The following TNIK variants were observed in gnomAD, a reference collection of about 807,000 sequenced individuals.
The protein encoded by TNIK is TRAF2 and NCK-interacting protein kinase.
A neutral mutation model predicts 191.3 loss-of-function variants in TNIK; 49 were observed. That is an observed-to-expected ratio of 0.26 (90% CI 0.20 to 0.32). The LOEUF (loss-of-function observed/expected upper bound fraction) is 0.32. Ranked by LOEUF, TNIK falls within the 10% of genes least tolerant of loss-of-function variation. TNIK has a pLI of 1.00. For missense variants in TNIK, 1,155 were observed against 1,702.3 expected, an observed-to-expected ratio of 0.68 and a Z score of 5.66; for synonymous variants, 594 against 600.9, an observed-to-expected ratio of 0.99 and a Z score of 0.17.
In TNIK at chr3:171,279,020, ATTC is replaced by A. The variant is rs576631583; in HGVS notation, c.124-50802_124-50800del. Among the ~76,000 whole-genome samples the A allele has an allele frequency of 3.2e-4, 48 of 152,282 alleles. No individual in the cohort carries two copies. In the South Asian group the frequency reaches 6.6e-3, roughly 21 times the overall value. The stretch of plus-strand genomic sequence containing the variant: ...CAGGCTGATGAGGAAGCATTACACA[ATTC>A]TTCTTTTTAGGGGAGAACAAGTCTT... On this transcript the variant is annotated intron_variant, in intron 2 of 32. Coordinates refer to ENST00000436636, the MANE Select transcript of TNIK (RefSeq NM_015028.4).
chr3:171,233,446 G>GTCTA (rs200789177), intron 2 of TNIK, among the ~76,000 whole-genome samples: 47 of 152,160 alleles, frequency 3.1e-4, no homozygotes, highest in East Asian at 1.2e-3. Flanking sequence ...CTGTCTGTCT[G>GTCTA]TCTATCTATC....
chr3:171,323,720 A>G (rs1755431866), intron 2 of TNIK, among the ~76,000 whole-genome samples: 1 of 152,206 alleles, frequency 6.6e-6, no homozygotes, highest in African/African-American at 2.4e-5. Context: ...TTAAAAATAA[A>G]CAGTGTGAAG....
intron 7 of TNIK, among the ~76,000 whole-genome samples, chr3:171,177,965 T>C (rs1332712946): frequency 6.6e-6 from 1 of 152,386 alleles, no homozygotes; most frequent in East Asian, 1.9e-4. Flanking sequence ...TCATATGTGG[T>C]CTTATGTATT....
chr3:171,372,006 C>G (rs1437917248), intron 1 of TNIK, among the ~76,000 whole-genome samples: 1 of 151,992 alleles, frequency 6.6e-6, no homozygotes, highest in East Asian at 1.9e-4. Flanking sequence ...ACCTGGGAAT[C>G]AAACAGGGAT....
intron 1 of TNIK, among the ~76,000 whole-genome samples, chr3:171,459,656 G>C (rs544737219): frequency 3.5e-4 from 52 of 148,010 alleles, no homozygotes; most frequent in African/African-American, 1.3e-3. Context: ...CTTGGCACCA[G>C]ACAACTGCCC....
At chr3:171,328,723 G>C (rs1160801826) in intron 2 of TNIK, among the ~76,000 whole-genome samples, 2 of 152,196 alleles carry the variant, frequency 1.3e-5, no homozygotes, top group African/African-American at 4.8e-5. Context: ...TTGTGAGGAA[G>C]ATATTTAAAT....
At chr3:171,356,911 C>T (rs964953954) in intron 2 of TNIK, among the ~76,000 whole-genome samples, 3 of 152,110 alleles carry the variant, frequency 2.0e-5, no homozygotes, top group East Asian at 1.9e-4. Context: ...GTGATGTCAA[C>T]GTTTAACTCT....
At chr3:171,284,701 T>C (rs1300964086) in intron 2 of TNIK, among the ~76,000 whole-genome samples, 1 of 152,226 alleles carries the variant, frequency 6.6e-6, no homozygotes, top group Non-Finnish European at 1.5e-5. Flanking sequence ...TCCCTCAAAA[T>C]TGCACATTAT....
At chr3:171,293,883 C>T (rs2108246096) in intron 2 of TNIK, among the ~76,000 whole-genome samples, 1 of 152,052 alleles carries the variant, frequency 6.6e-6, no homozygotes. Flanking sequence ...ACTTCCAGAC[C>T]AGCCTGAGCA....
intron 1 of TNIK, among the ~76,000 whole-genome samples, chr3:171,415,422 G>A (rs543960432): frequency 2.0e-4 from 30 of 152,246 alleles, no homozygotes; most frequent in Non-Finnish European, 2.6e-4. Flanking sequence ...ACAATAGGAA[G>A]CTCCCAATAA....
At chr3:171,216,343 T>C (rs1305463015) in intron 3 of TNIK, among the ~76,000 whole-genome samples, 1 of 152,174 alleles carries the variant, frequency 6.6e-6, no homozygotes, top group African/African-American at 2.4e-5. Flanking sequence ...ACTTATACAA[T>C]TAGTCAATGA....
intron 28 of TNIK, among the ~76,000 whole-genome samples, chr3:171,077,894 T>C (rs998577638): frequency 2.4e-4 from 37 of 151,822 alleles, no homozygotes; most frequent in African/African-American, 7.7e-4. Flanking sequence ...CACTCACACA[T>C]ATATATATAT....
At chr3:171,397,204 G>A (rs868101344) in intron 1 of TNIK, among the ~76,000 whole-genome samples, 34 of 152,140 alleles carry the variant, frequency 2.2e-4, no homozygotes, top group African/African-American at 8.2e-4. Flanking sequence ...ACAAGAGTGC[G>A]AAGGGCATCT....
At chr3:171,235,020 T>G (rs1744091112) in intron 2 of TNIK, among the ~76,000 whole-genome samples, 1 of 147,584 alleles carries the variant, frequency 6.8e-6, no homozygotes, top group Non-Finnish European at 1.5e-5. Flanking sequence ...TTAAAAATTT[T>G]TTATTTGTTT....
chr3:171,305,694 T>C (rs980350227), intron 2 of TNIK, among the ~76,000 whole-genome samples: 2 of 152,160 alleles, frequency 1.3e-5, no homozygotes, highest in Non-Finnish European at 2.9e-5. Context: ...GAATGGCTAC[T>C]GTTAAAAAGT....
At chr3:171,167,748 A>G (rs1734779224) in intron 9 of TNIK, among the ~76,000 whole-genome samples, 1 of 152,210 alleles carries the variant, frequency 6.6e-6, no homozygotes, top group Non-Finnish European at 1.5e-5. Flanking sequence ...CCACTTAAAT[A>G]AGGCAGAAGA....
At chr3:171,192,097 A>T (rs1738133949) in intron 5 of TNIK, among the ~76,000 whole-genome samples, 1 of 152,206 alleles carries the variant, frequency 6.6e-6, no homozygotes, top group Non-Finnish European at 1.5e-5. Context: ...ACAGAGGTCC[A>T]AAAAGACCCA....
intron 4 of TNIK, among the ~76,000 whole-genome samples, chr3:171,205,937 ACCT>A (rs1425076260): frequency 6.6e-6 from 1 of 152,112 alleles, no homozygotes; most frequent in Non-Finnish European, 1.5e-5. Context: ...CAAAGGCCTC[ACCT>A]CCTAATACCA....
At chr3:171,355,709 G>GA (rs945523444) in intron 2 of TNIK, among the ~76,000 whole-genome samples, 2 of 152,114 alleles carry the variant, frequency 1.3e-5, no homozygotes, top group Non-Finnish European at 1.5e-5. Context: ...AACCTGTAAG[G>GA]AAAAAAGTGA....
Sources: gnomAD v4.1 joint callset for allele counts (sites outside exome capture counted in the v4.1 genomes callset) on GRCh38, gnomAD v4.1.1 for gene constraint, MANE v1.5 for transcripts, NCBI Gene and HGNC (gene_info 2026-07-23, HGNC 2026-07-21) for gene names.